PLGRKT: variants seen among roughly 807,000 people sequenced by gnomAD.
PLGRKT encodes plasminogen receptor with a C-terminal lysine.
Under a neutral mutation model 18.5 loss-of-function variants are expected in PLGRKT, and 22 were observed. That is an observed-to-expected ratio of 1.19 (90% confidence interval 0.85 to 1.70). PLGRKT has a LOEUF of 1.70. Ranked by LOEUF, PLGRKT falls within the 40% of genes most tolerant of loss-of-function variation. PLGRKT has a pLI of 0.00. For synonymous variants in PLGRKT, 72 were observed against 52.8 expected (o/e 1.36, Z -1.58); for missense variants, 235 against 174.4 (o/e 1.35, Z -1.96).
rs866806582 is a variant in PLGRKT at position 5,398,443 on chromosome 9, C to T, written c.81+33454G>A. On this transcript the variant is annotated intron_variant, in intron 3 of 5. Transcript: ENST00000223864. Reference sequence around the variant, plus strand: ...GCCAACCAAGTGACACAAGGTTTTGCCTGGAGGAAAGAAAACAGAGAAACA... The same window carrying T: ...GCCAACCAAGTGACACAAGGTTTTGTCTGGAGGAAAGAAAACAGAGAAACA... Among the ~76,000 whole-genome samples, 3 of 152,036 alleles carry T rather than the reference C, an allele frequency of 2.0e-5. No individual in the cohort carries two copies. In the East Asian group the frequency reaches 5.8e-4, roughly 29 times the overall value.
At chr9:5,361,223 A>G in intron 4 of PLGRKT, 36 bp from the exon 5 acceptor site, 1 of 1,227,542 alleles carries the variant, frequency 8.1e-7, no homozygotes, top group South Asian at 1.3e-5. Context: ...CAATATCAAA[A>G]AATAACCTGT....
chr9:5,408,082 G>C (rs959703156), intron 3 of PLGRKT, among the ~76,000 whole-genome samples: 1 of 151,974 alleles, frequency 6.6e-6, no homozygotes, highest in African/African-American at 2.4e-5. Context: ...AATTTGGAGG[G>C]GCAAGAAAAA....
intron 3 of PLGRKT, among the ~76,000 whole-genome samples, chr9:5,399,819 G>A (rs1407608481): frequency 2.0e-5 from 3 of 151,386 alleles, no homozygotes; most frequent in African/African-American, 7.3e-5. Context: ...GCTAAACTAC[G>A]TCGCTACTAA....
chr9:5,393,037 T>C (rs1171659253), intron 3 of PLGRKT, among the ~76,000 whole-genome samples: 1 of 151,674 alleles, frequency 6.6e-6, no homozygotes, highest in Admixed American at 6.6e-5. Flanking sequence ...AGACAGGATT[T>C]CACCATGTTG....
chr9:5,421,349 T>C (rs1272990407), intron 3 of PLGRKT, among the ~76,000 whole-genome samples: 3 of 152,192 alleles, frequency 2.0e-5, no homozygotes, highest in African/African-American at 7.2e-5. Context: ...CTAACTACTC[T>C]ACCAAAAATG....
At chr9:5,363,744 G>C (rs759078224) in intron 3 of PLGRKT, among the ~76,000 whole-genome samples, 2 of 152,212 alleles carry the variant, frequency 1.3e-5, no homozygotes, top group Admixed American at 6.5e-5. Flanking sequence ...GGTCATACCA[G>C]GGAAAAGATG....
intron 3 of PLGRKT, among the ~76,000 whole-genome samples, chr9:5,363,509 C>G (rs1817314341): frequency 6.6e-6 from 1 of 152,132 alleles, no homozygotes; most frequent in African/African-American, 2.4e-5. Flanking sequence ...TGCAGACTTT[C>G]TTCACACCCC....
chr9:5,424,550 G>A (rs1422682620), intron 3 of PLGRKT, among the ~76,000 whole-genome samples: 4 of 117,036 alleles, frequency 3.4e-5, no homozygotes, highest in African/African-American at 3.5e-5. Context: ...ATGTTAATAT[G>A]TTTATATAAT....
chr9:5,404,304 C>G (rs1227466157), intron 3 of PLGRKT, among the ~76,000 whole-genome samples: 1 of 152,168 alleles, frequency 6.6e-6, no homozygotes, highest in Non-Finnish European at 1.5e-5. Flanking sequence ...ATACCAAAAC[C>G]TGGCAGAGAT....
At chr9:5,412,818 G>T (rs750202803) in intron 3 of PLGRKT, among the ~76,000 whole-genome samples, 1 of 151,872 alleles carries the variant, frequency 6.6e-6, no homozygotes, top group Non-Finnish European at 1.5e-5. Flanking sequence ...TTAAACCACC[G>T]TAAACAAGTG....
chr9:5,428,236 G>A (rs1818740679), intron 3 of PLGRKT, among the ~76,000 whole-genome samples: 1 of 152,156 alleles, frequency 6.6e-6, no homozygotes, highest in Admixed American at 6.5e-5. Context: ...TAAATACAAA[G>A]CCTTGCTTAC....
intron 3 of PLGRKT, among the ~76,000 whole-genome samples, chr9:5,394,577 TA>T (rs1818010401): frequency 6.6e-6 from 1 of 151,842 alleles, no homozygotes; most frequent in Non-Finnish European, 1.5e-5. Flanking sequence ...CATGCCCGGC[TA>T]ATTTTTGTAT....
chr9:5,426,859 T>C lies in PLGRKT; in HGVS notation c.81+5038A>G, dbSNP rs80351430. 7.5e-3 allele frequency among the ~76,000 whole-genome samples: 1,138 copies of C among 152,314 alleles called. 15 individuals are homozygous for C. The highest frequency in any genetic ancestry group is 9.9e-3 in the Non-Finnish European group (675 of 68,020). On this transcript the variant is annotated intron_variant, in intron 3 of 5. Transcript: ENST00000223864. ...CCACAAGCTCAATGTACCTCAGCTA[T>C]GTCACAAACCCAAAGCATCCATCCC...
chr9:5,364,741 C>T (rs769383391), intron 3 of PLGRKT, among the ~76,000 whole-genome samples: 1 of 152,192 alleles, frequency 6.6e-6, no homozygotes, highest in Non-Finnish European at 1.5e-5. Flanking sequence ...ATTAACAATT[C>T]TGAAACTGCT....
At chr9:5,365,667 C>T (rs571211733) in intron 3 of PLGRKT, among the ~76,000 whole-genome samples, 2 of 152,202 alleles carry the variant, frequency 1.3e-5, no homozygotes, top group African/African-American at 4.8e-5. Context: ...GAAATCTGAA[C>T]GTGGGATGTA....
At chr9:5,427,898 A>G (rs1818734286) in intron 3 of PLGRKT, among the ~76,000 whole-genome samples, 1 of 152,190 alleles carries the variant, frequency 6.6e-6, no homozygotes, top group Non-Finnish European at 1.5e-5. Flanking sequence ...TGAGGATGGG[A>G]AAGTGGAATA....
chr9:5,362,022 CTT>C, intron 3 of PLGRKT, 134 bp from the exon 4 acceptor site: 1 of 859,196 alleles, frequency 1.2e-6, no homozygotes, highest in Non-Finnish European at 1.8e-6. Context: ...TCTCAACAGA[CTT>C]TGACTAAAGT....
intron 2 of PLGRKT, among the ~76,000 whole-genome samples, chr9:5,434,495 G>T (rs1351834149): frequency 1.5e-4 from 23 of 148,854 alleles, no homozygotes; most frequent in Non-Finnish European, 3.3e-4. Context: ...TGCCCCGCCT[G>T]GGAAGTGAGG....
At position 5,358,158 on chromosome 9, in the gene PLGRKT, T is replaced by A. The variant is rs988160914; in HGVS notation, c.*81A>T. 92 of 963,806 alleles carry A rather than the reference T, an allele frequency of 9.5e-5. No individual in the cohort carries two copies. The highest frequency in any genetic ancestry group is 2.2e-4 in the Admixed American group (10 of 44,890). The allele number at this position is 963,806 out of a possible 1,614,324, so 59.7% of individuals were successfully genotyped here. A position where few individuals can be genotyped will look rare whatever the true frequency, so the allele number is the denominator to read the frequency against. On this transcript the variant is annotated 3_prime_UTR_variant, in exon 6 of 6. Transcript: ENST00000223864. ...TAAAATAAAATCTATAATATCAAAA[T>A]CTTGAGCATTTAAAAAACTGTAAAA...
Sources: allele counts gnomAD v4.1 joint callset (sites outside exome capture counted in the v4.1 genomes callset), GRCh38; gene constraint gnomAD v4.1.1; transcripts MANE v1.5; gene names NCBI Gene and HGNC (gene_info 2026-07-23, HGNC 2026-07-21).